ARHGEF10L: variants seen among roughly 807,000 people sequenced by gnomAD.
ARHGEF10L encodes the protein rho guanine nucleotide exchange factor 10-like protein.
ARHGEF10L carries 69 observed loss-of-function variants against 141.2 expected under a neutral mutation model. The observed-to-expected ratio is 0.49, with a 90% CI of 0.40 to 0.60. The LOEUF (loss-of-function observed/expected upper bound fraction) is 0.60, where lower values mean the gene tolerates loss of function less well. ARHGEF10L is among the 20% of genes least tolerant of loss of function. The pLI, the probability that ARHGEF10L is intolerant of heterozygous loss-of-function variation, is 0.00. For missense variants in ARHGEF10L, 1,482 were observed against 1,734.3 expected, an observed-to-expected ratio of 0.85 and a Z score of 2.58; for synonymous variants, 711 against 718.5, an observed-to-expected ratio of 0.99 and a Z score of 0.17.
At chr1:17,552,639 G>A (rs1243814218) in intron 1 of ARHGEF10L, among the ~76,000 whole-genome samples, 1 of 128,202 alleles carries the variant, frequency 7.8e-6, no homozygotes, top group Non-Finnish European at 1.5e-5. Flanking sequence ...AGCCAGGCTG[G>A]TCTCAAACTC....
At chr1:17,630,960 C>T (rs144088793) in intron 15 of ARHGEF10L, among the ~76,000 whole-genome samples, 1,755 of 150,102 alleles carry the variant, frequency 0.012, 17 homozygotes, top group South Asian at 0.029. Flanking sequence ...GGTGTTCTGT[C>T]CTTTTCTCTC....
chr1:17,611,464 A>G (rs1253792667), intron 7 of ARHGEF10L, among the ~76,000 whole-genome samples: 1 of 152,140 alleles, frequency 6.6e-6, no homozygotes, highest in Admixed American at 6.6e-5. Flanking sequence ...TGATCAGAAA[A>G]CCTGTGTGAA....
intron 26 of ARHGEF10L, among the ~76,000 whole-genome samples, chr1:17,667,390 A>G (rs2063052033): frequency 6.6e-6 from 1 of 152,098 alleles, no homozygotes; most frequent in Admixed American, 6.5e-5. Flanking sequence ...CTGCCCTTTG[A>G]GGGCCTCTAG....
chr1:17,637,906 C>G lies in ARHGEF10L; in HGVS notation c.1946C>G (p.Pro649Arg). The G allele has an allele frequency of 6.3e-7, 1 of 1,593,070 alleles. No homozygotes were observed. Among genetic ancestry groups the G allele is most frequent in the Non-Finnish European group, 8.5e-7 (1 of 1,169,716 alleles). Residue 649 changes from proline (P) to arginine (R), a missense_variant, in exon 19 of 29, where the codon CCC becomes CGC. By Grantham distance (103) the Pro-to-Arg change is moderately radical (BLOSUM62 -2). This residue lies in a region of ARHGEF10L where 858 missense variants were observed against 966.3 expected (regional missense o/e 0.89). Coordinates refer to ENST00000361221, the MANE Select transcript of ARHGEF10L (RefSeq NM_018125.4). ...GQAQNKVYLGPPRLFQELQDL... is the reference protein window; with the variant it reads ...GQAQNKVYLGRPRLFQELQDL... ...TGCCCAGATAAGGTGTACCTCGGCC[C>G]CCCACGCCTCTTCCAGGAGCTGCAG...
intron 21 of ARHGEF10L, among the ~76,000 whole-genome samples, chr1:17,647,966 G>T (rs1349959290): frequency 6.6e-6 from 1 of 152,122 alleles, no homozygotes; most frequent in South Asian, 2.1e-4. Context: ...GCCCAGCTAG[G>T]GTGGGTGAAC....
At chr1:17,535,496 G>A (rs2076562732), upstream of ARHGEF10L, among the ~76,000 whole-genome samples, 1 of 152,144 alleles carries the variant, frequency 6.6e-6, no homozygotes, top group African/African-American at 2.4e-5. Flanking sequence ...CGGGGGCCCT[G>A]GGTCCCCATC....
rs1314460627 is a variant in ARHGEF10L at position 17,654,050 on chromosome 1, G to A, written c.2395-586G>A. 3.9e-5 allele frequency among the ~76,000 whole-genome samples: 6 copies of A among 152,236 alleles called. No homozygotes were observed. Among genetic ancestry groups the A allele is most frequent in the South Asian group, 4.1e-4 (2 of 4,838 alleles). On this transcript the variant is annotated intron_variant, in intron 22 of 28. Transcript: ENST00000361221. This position sits in a 1 kb window ranked among gnomAD's most constrained non-coding sequence, Gnocchi z 4.3. ...TCTTCTCCTTCAGTGTGGCCCATGA[G>A]TGGGCCAGGCCATTTCCTAGAATTG...
intron 6 of ARHGEF10L, among the ~76,000 whole-genome samples, chr1:17,606,615 T>TA (rs1165967318): frequency 1.4e-4 from 20 of 144,240 alleles, no homozygotes; most frequent in South Asian, 4.4e-4. Flanking sequence ...TTTTTTTTTT[T>TA]AAAAAAACAC....
chr1:17,653,883 A>T (rs998653570), intron 22 of ARHGEF10L, among the ~76,000 whole-genome samples: 2 of 152,226 alleles, frequency 1.3e-5, no homozygotes, highest in Admixed American at 6.5e-5. Flanking sequence ...GCCCATGGCC[A>T]TTAGAAATTT....
At chr1:17,691,364 G>A (rs11586500) in intron 27 of ARHGEF10L, among the ~76,000 whole-genome samples, 3,857 of 152,208 alleles carry the variant, frequency 0.025, 163 homozygotes, top group African/African-American at 0.089. Flanking sequence ...CTCAATTCCG[G>A]CATCTCTTTC....
rs1446556287 is a variant in ARHGEF10L at position 17,644,486 on chromosome 1, CTG to C, written c.2273-4065_2273-4064del. ...CCCTGGTTTTACCCCAGCTGGGAGACTGTGGCTACTTGCTTGGCCTCCCTGGA... is the reference window on the plus strand; with the variant it reads ...CCCTGGTTTTACCCCAGCTGGGAGACTGGCTACTTGCTTGGCCTCCCTGGA... On this transcript the variant is annotated intron_variant, in intron 21 of 28. Coordinates refer to ENST00000361221, the MANE Select transcript of ARHGEF10L (RefSeq NM_018125.4). This position sits in a 1 kb window ranked among gnomAD's most constrained non-coding sequence, Gnocchi z 4.5. 1.3e-5 allele frequency among the ~76,000 whole-genome samples: 2 copies of C among 152,220 alleles called. No homozygotes were observed. Among genetic ancestry groups the C allele is most frequent in the African/African-American group, 4.8e-5 (2 of 41,440 alleles).
At chr1:17,518,416 G>A in the ARHGEF10L span, among the ~76,000 whole-genome samples, 8 of 152,324 alleles carry the variant, frequency 5.3e-5, no homozygotes, top group South Asian at 1.7e-3. Flanking sequence ...TGAATGACTT[G>A]TTCCTGATGT....
rs2062219574 is a variant in ARHGEF10L, at chr1:17,655,980, G to A, written c.2583G>A (p.Val861=). ...AGTCCTTCCCACTGGCAGCCCCTGT[G>A]CTCTGCATGGAGTATATCCCGGAGC... ...TVKSFPLAAP[V]LCMEYIPELE... Residue 861 remains valine (V), a synonymous_variant, in exon 24 of 29, where the codon GTG becomes GTA. Coordinates refer to ENST00000361221, the MANE Select transcript of ARHGEF10L (RefSeq NM_018125.4). The A allele has an allele frequency of 6.4e-7, 1 of 1,566,864 alleles. No homozygotes were observed. Among genetic ancestry groups the A allele is most frequent in the South Asian group, 1.2e-5 (1 of 85,170 alleles).
chr1:17,632,571 G>A, intron 16 of ARHGEF10L, 105 bp downstream of exon 16: 1 of 1,470,522 alleles, frequency 6.8e-7, no homozygotes, highest in Non-Finnish European at 9.4e-7. Context: ...CCCCATGTGA[G>A]CTTGGTTTAG....
At chr1:17,649,376 C>T (rs1479193744) in intron 22 of ARHGEF10L, among the ~76,000 whole-genome samples, 1 of 152,182 alleles carries the variant, frequency 6.6e-6, no homozygotes, top group East Asian at 1.9e-4. Flanking sequence ...CAATTACTGC[C>T]TCCCCTTTCC....
At chr1:17,525,351 A>G in the ARHGEF10L span, among the ~76,000 whole-genome samples, 1 of 152,190 alleles carries the variant, frequency 6.6e-6, no homozygotes, top group African/African-American at 2.4e-5. Flanking sequence ...GTTTGAGCCA[A>G]CTGGGGTGGG....
chr1:17,637,336 T>G (rs1483667347), intron 18 of ARHGEF10L, among the ~76,000 whole-genome samples: 2 of 152,160 alleles, frequency 1.3e-5, no homozygotes, highest in South Asian at 4.1e-4. Context: ...CCCTCCTCTC[T>G]CCCAGGCACA....
chr1:17,568,979 A>G (rs2077879154), intron 1 of ARHGEF10L, among the ~76,000 whole-genome samples: 1 of 152,182 alleles, frequency 6.6e-6, no homozygotes, highest in South Asian at 2.1e-4. Context: ...GTTAATTGCA[A>G]GGGAGTGGGA....
At chr1:17,527,160 C>T in the ARHGEF10L span, among the ~76,000 whole-genome samples, 7 of 152,176 alleles carry the variant, frequency 4.6e-5, no homozygotes, top group South Asian at 2.1e-4. Flanking sequence ...TCTTGCTTCT[C>T]CCAAAGGAAA....
Sources: allele counts gnomAD v4.1 joint callset (sites outside exome capture counted in the v4.1 genomes callset), GRCh38; gene constraint gnomAD v4.1.1; regional missense constraint gnomAD v4.1.1; non-coding constraint Gnocchi (gnomAD v3.1); transcripts MANE v1.5; gene names NCBI Gene and HGNC (gene_info 2026-07-23, HGNC 2026-07-21).